The following SHANK2 variants were observed in gnomAD, a reference collection of about 807,000 sequenced individuals.
SHANK2 encodes the protein SH3 and multiple ankyrin repeat domains 2, also known as SH3 and multiple ankyrin repeat domains protein 2.
In SHANK2, 43 loss-of-function variants were observed where a neutral mutation model predicts 133.7. The observed-to-expected ratio is 0.32, with a 90% CI of 0.25 to 0.41. The LOEUF (loss-of-function observed/expected upper bound fraction) is 0.41. Ranked by LOEUF, SHANK2 falls within the 10% of genes least tolerant of loss-of-function variation. The pLI, the probability that SHANK2 is intolerant of heterozygous loss-of-function variation, is 1.00. For missense variants in SHANK2, 1,994 were observed against 2,235.8 expected (o/e 0.89, Z 2.18); for synonymous variants, 1,017 against 952.8 (o/e 1.07, Z -1.24).
At chr11:70,781,207 C>T (rs1030253148) in intron 14 of SHANK2, among the ~76,000 whole-genome samples, 30 of 151,918 alleles carry the variant, frequency 2.0e-4, no homozygotes, top group Non-Finnish European at 5.9e-5. Context: ...CACATCCTTA[C>T]ATGCAAAATA....
intron 21 of SHANK2, among the ~76,000 whole-genome samples, chr11:70,493,284 C>A (rs1555156390): frequency 6.7e-6 from 1 of 148,686 alleles, no homozygotes; most frequent in African/African-American, 2.5e-5. Flanking sequence ...TTTCAGAGGC[C>A]AGGGTGCTCG....
chr11:71,107,508 G>T (rs1487234061), intron 6 of SHANK2, among the ~76,000 whole-genome samples: 1 of 152,196 alleles, frequency 6.6e-6, no homozygotes, highest in Admixed American at 6.5e-5. Flanking sequence ...CGTTCGGAAG[G>T]TAACTGCGTG....
chr11:70,543,054 G>A (rs1484983808), intron 17 of SHANK2, among the ~76,000 whole-genome samples: 10 of 152,156 alleles, frequency 6.6e-5, no homozygotes, highest in Non-Finnish European at 1.2e-4. Context: ...GCCCTCAACC[G>A]GCCTGGCGTG....
At position 70,479,684 on chromosome 11, in the gene SHANK2, C is replaced by T. The variant is rs1156553421; in HGVS notation, c.4979+5630G>A. Among the ~76,000 whole-genome samples, 4 of 152,276 alleles carry T rather than the reference C, an allele frequency of 2.6e-5. No homozygotes were observed. Among genetic ancestry groups the T allele is most frequent in the Non-Finnish European group, 5.9e-5 (4 of 68,052 alleles). Reference sequence around the variant, plus strand: ...GCCATGGGGGACCCCCACAAGCACACACTCACTGCTCTGTTGCCCCCACAT... The same window carrying T: ...GCCATGGGGGACCCCCACAAGCACATACTCACTGCTCTGTTGCCCCCACAT... On this transcript the variant is annotated intron_variant, in intron 25 of 25. Coordinates refer to ENST00000601538, the MANE Select transcript of SHANK2 (RefSeq NM_012309.5). The surrounding 1 kb of genome is among the most constrained non-coding windows in gnomAD (Gnocchi z 4.4).
intron 9 of SHANK2, among the ~76,000 whole-genome samples, chr11:71,067,279 G>A (rs1951077018): frequency 6.6e-6 from 1 of 152,196 alleles, no homozygotes; most frequent in South Asian, 2.1e-4. Flanking sequence ...TCCTACCCTG[G>A]CTCGTGCTGG....
chr11:71,197,932 TC>T (rs1953941334), intron 2 of SHANK2, among the ~76,000 whole-genome samples: 1 of 151,430 alleles, frequency 6.6e-6, no homozygotes, highest in African/African-American at 2.4e-5. Context: ...GAAGAAGGAG[TC>T]GGGCACCCTG....
chr11:70,478,270 T>G (rs564945206), intron 25 of SHANK2, among the ~76,000 whole-genome samples: 2 of 152,028 alleles, frequency 1.3e-5, no homozygotes, highest in Non-Finnish European at 2.9e-5. Context: ...GCCTCTGGCA[T>G]AGCTAGAGTA....
At chr11:71,245,064 T>C (rs1362839179) in intron 1 of SHANK2, among the ~76,000 whole-genome samples, 1 of 151,944 alleles carries the variant, frequency 6.6e-6, no homozygotes, top group Non-Finnish European at 1.5e-5. Context: ...CACTGCAACA[T>C]CGACCTCTCA....
intron 14 of SHANK2, among the ~76,000 whole-genome samples, chr11:70,710,115 T>A (rs1555025805): frequency 6.6e-6 from 1 of 152,158 alleles, no homozygotes; most frequent in African/African-American, 2.4e-5. Flanking sequence ...TGAAAACCCC[T>A]GTCCTGAGAT....
At chr11:70,508,558 T>C (rs2059162179) in intron 17 of SHANK2, among the ~76,000 whole-genome samples, 1 of 152,200 alleles carries the variant, frequency 6.6e-6, no homozygotes, top group Non-Finnish European at 1.5e-5. Context: ...AAAGGGGCCA[T>C]TAGGGTGAGC....
chr11:70,901,321 T>C (rs925391581), intron 10 of SHANK2, among the ~76,000 whole-genome samples: 1 of 152,172 alleles, frequency 6.6e-6, no homozygotes, highest in Non-Finnish European at 1.5e-5. Context: ...AATAGAAGCA[T>C]AAGAAACAAC....
At chr11:70,929,111 T>C (rs552962025) in intron 10 of SHANK2, among the ~76,000 whole-genome samples, 17 of 152,332 alleles carry the variant, frequency 1.1e-4, no homozygotes, top group Non-Finnish European at 2.1e-4. Flanking sequence ...ACTTCCTTAC[T>C]CTCTAGTGTG....
intron 1 of SHANK2, among the ~76,000 whole-genome samples, chr11:71,247,969 C>T (rs1446613639): frequency 6.6e-6 from 1 of 152,206 alleles, no homozygotes; most frequent in Non-Finnish European, 1.5e-5. Flanking sequence ...CTGGCAGCCC[C>T]ACAGGCTTTT....
In SHANK2 at chr11:70,549,139, A is replaced by C. The variant is rs1370715408; in HGVS notation, c.2062-46208T>G. ...AATGGATTCCCAGGCACAGCTGTGC[A>C]CACGGGGGCGCTCGACGTGAAAGCT... On this transcript the variant is annotated intron_variant, in intron 17 of 25. Transcript: ENST00000601538. Among the ~76,000 whole-genome samples the C allele has an allele frequency of 9.8e-4, 149 of 152,328 alleles. 1 individual carries two copies. Among genetic ancestry groups the C allele is most frequent in the Non-Finnish European group, 1.9e-4 (13 of 68,026 alleles).
intron 17 of SHANK2, among the ~76,000 whole-genome samples, chr11:70,626,665 C>T (rs528210242): frequency 3.9e-5 from 6 of 152,302 alleles, no homozygotes; most frequent in Admixed American, 2.0e-4. Flanking sequence ...CAGGAGAGAC[C>T]GATGGCTCCA....
intron 11 of SHANK2, among the ~76,000 whole-genome samples, chr11:70,849,386 G>A (rs1469484250): frequency 6.6e-6 from 1 of 152,226 alleles, no homozygotes; most frequent in Admixed American, 6.5e-5. Context: ...GATCACATCT[G>A]TGTGAATTCT....
chr11:70,645,132 A>T (rs1379347437), intron 17 of SHANK2, among the ~76,000 whole-genome samples: 1 of 152,098 alleles, frequency 6.6e-6, no homozygotes, highest in Non-Finnish European at 1.5e-5. Flanking sequence ...AATCGCTTGA[A>T]CCTGGGAGGC....
intron 17 of SHANK2, among the ~76,000 whole-genome samples, chr11:70,548,953 A>T (rs1438855301): frequency 1.3e-5 from 2 of 152,066 alleles, no homozygotes; most frequent in Non-Finnish European, 2.9e-5. Context: ...GAGCAGGAAG[A>T]AGCTGGAGGA....
In SHANK2 at chr11:70,817,041, C is replaced by G. The variant is rs561855339; in HGVS notation, c.1493+3323G>C. Among the ~76,000 whole-genome samples, 3 of 152,344 alleles carry G rather than the reference C, an allele frequency of 2.0e-5. No individual in the cohort carries two copies. The East Asian group carries it at 5.8e-4, about 29-fold the overall frequency. ...ACCGTGCAAAGACACTTCTGCCCCCCGAATGCATATGGCCCTATGCAGGGA... is the reference window on the plus strand; with the variant it reads ...ACCGTGCAAAGACACTTCTGCCCCCGGAATGCATATGGCCCTATGCAGGGA... On this transcript the variant is annotated intron_variant, in intron 12 of 25. Transcript: ENST00000601538.
Sources: allele counts gnomAD v4.1 joint callset (sites outside exome capture counted in the v4.1 genomes callset), GRCh38; gene constraint gnomAD v4.1.1; non-coding constraint Gnocchi (gnomAD v3.1); transcripts MANE v1.5; gene names NCBI Gene and HGNC (gene_info 2026-07-23, HGNC 2026-07-21).